The following PCDH9 variants were observed in gnomAD, a reference collection of about 807,000 sequenced individuals.
PCDH9 encodes protocadherin-9.
Under a neutral mutation model 70.6 loss-of-function variants are expected in PCDH9, and 24 were observed. That is an observed-to-expected ratio of 0.34 (90% CI 0.25 to 0.48). PCDH9 has a LOEUF of 0.48. Ranked by LOEUF, PCDH9 falls within the 20% of genes least tolerant of loss-of-function variation. PCDH9 has a pLI of 0.99. For synonymous variants in PCDH9, 562 were observed against 558.5 expected (o/e 1.01, Z -0.09); for missense variants, 1,281 against 1,503.6 (o/e 0.85, Z 2.45).
In PCDH9 at chr13:66,467,660, C is replaced by G. The variant is rs528340050; in HGVS notation, c.3341-162632G>C. On this transcript the variant is annotated intron_variant, in intron 4 of 4. Coordinates refer to ENST00000377865, the MANE Select transcript of PCDH9 (RefSeq NM_203487.3). ...TTCAGAACTTTGTTTCAGCAATTAT[C>G]CCACAGTCCAGTACAAACTATAATT... Among the ~76,000 whole-genome samples, 32 of 152,066 alleles carry G rather than the reference C, an allele frequency of 2.1e-4. No individual in the cohort carries two copies. In the South Asian group the frequency reaches 6.6e-3, roughly 32 times the overall value.
chr13:67,002,990 T>C (rs762003959), intron 2 of PCDH9, among the ~76,000 whole-genome samples: 6 of 152,056 alleles, frequency 3.9e-5, no homozygotes, highest in Non-Finnish European at 8.8e-5. Context: ...TTTTAATTTG[T>C]TTGTTTTTAA....
rs1366676552 is a variant in PCDH9, at chr13:66,313,005, G to A, written c.3341-7977C>T. ...TTGAACAGACTTTATGGCTCACTAA[G>A]AATGAAGAGCATTTCCTTGTACATC... On this transcript the variant is annotated intron_variant, in intron 4 of 4. Transcript: ENST00000377865. Among the ~76,000 whole-genome samples the A allele has an allele frequency of 3.3e-5, 5 of 152,204 alleles. No individual in the cohort carries two copies. The East Asian group carries it at 9.6e-4, about 29-fold the overall frequency.
chr13:66,437,030 T>C (rs1957879347), intron 4 of PCDH9, among the ~76,000 whole-genome samples: 1 of 151,408 alleles, frequency 6.6e-6, no homozygotes, highest in South Asian at 2.1e-4. Context: ...ACAGTTCCTA[T>C]TCAGCTTCTA....
At chr13:67,206,858 C>T (rs1391208205) in intron 2 of PCDH9, 1 of 152,064 alleles carries the variant, frequency 6.6e-6, no homozygotes, top group Admixed American at 6.6e-5. Context: ...TTGACTTTCC[C>T]CTCTTCTAGA....
intron 3 of PCDH9, among the ~76,000 whole-genome samples, chr13:66,830,537 T>C (rs1470985037): frequency 6.6e-6 from 1 of 152,180 alleles, no homozygotes; most frequent in African/African-American, 2.4e-5. Context: ...AAAGTATCAA[T>C]TATATTTACA....
intron 2 of PCDH9, chr13:67,204,303 T>C (rs2089287343): frequency 6.6e-6 from 1 of 152,176 alleles, no homozygotes; most frequent in African/African-American, 2.4e-5. Flanking sequence ...ATGCCAGCTT[T>C]AGTTAGATAG....
chr13:66,722,043 T>G (rs2078948219), intron 3 of PCDH9, among the ~76,000 whole-genome samples: 1 of 152,170 alleles, frequency 6.6e-6, no homozygotes, highest in Non-Finnish European at 1.5e-5. Context: ...CACCATTATC[T>G]AAATATACTT....
At chr13:66,342,083 C>G (rs948864440) in intron 4 of PCDH9, among the ~76,000 whole-genome samples, 1 of 152,132 alleles carries the variant, frequency 6.6e-6, no homozygotes, top group East Asian at 1.9e-4. Context: ...ATCATTATTT[C>G]TGAATAGGAA....
intron 4 of PCDH9, among the ~76,000 whole-genome samples, chr13:66,510,097 A>T (rs1259765018): frequency 6.6e-6 from 1 of 152,034 alleles, no homozygotes; most frequent in East Asian, 1.9e-4. Context: ...TAGCAGAAAA[A>T]TTTCCTTTCA....
At chr13:66,762,193 G>T (rs2079640103) in intron 3 of PCDH9, among the ~76,000 whole-genome samples, 1 of 152,022 alleles carries the variant, frequency 6.6e-6, no homozygotes, top group South Asian at 2.1e-4. Context: ...CTTTCACATT[G>T]CCAGGGTATA....
intron 3 of PCDH9, among the ~76,000 whole-genome samples, chr13:66,812,099 G>GGGTACTTGTA (rs1207614770): frequency 2.6e-4 from 39 of 151,716 alleles, no homozygotes; most frequent in Admixed American, 2.6e-3. Context: ...AGTACCCAAA[G>GGGTACTTGTA]TCCATTGTAT....
intron 4 of PCDH9, among the ~76,000 whole-genome samples, chr13:66,419,391 C>A (rs1957522372): frequency 6.6e-6 from 1 of 151,946 alleles, no homozygotes; most frequent in African/African-American, 2.4e-5. Context: ...ACATCTTCAG[C>A]CTGCAGCTCC....
Position 66,304,675 on chromosome 13 carries a change from G to T in PCDH9, c.3694C>A (p.Pro1232Thr), listed in dbSNP as rs1056768671. Reference sequence around the variant, plus strand: ...TTTTCTTAGAGTTGGTGCTCCTTAGGACTCTCAGTAGCACCTCCTGCTTGC... The same window carrying T: ...TTTTCTTAGAGTTGGTGCTCCTTAGTACTCTCAGTAGCACCTCCTGCTTGC... ...YKQAGGATES[P>T]KEHQL is the part of the protein sequence containing the mutation. Residue 1232 changes from proline to threonine, a missense_variant, in exon 5 of 5, where the codon CCT becomes ACT. This residue lies in a region of PCDH9 where 264 missense variants were observed against 278.8 expected (regional missense o/e 0.95). Coordinates refer to ENST00000377865, the MANE Select transcript of PCDH9 (RefSeq NM_203487.3). The T allele has an allele frequency of 3.7e-6, 6 of 1,612,070 alleles. No individual in the cohort carries two copies. Among genetic ancestry groups the T allele is most frequent in the African/African-American group, 1.3e-5 (1 of 74,778 alleles).
At chr13:67,150,002 G>T (rs1271208643) in intron 2 of PCDH9, among the ~76,000 whole-genome samples, 2 of 152,036 alleles carry the variant, frequency 1.3e-5, no homozygotes, top group South Asian at 2.1e-4. Context: ...AAGAATATTT[G>T]CAGTTTATAT....
chr13:66,888,140 C>G (rs1205456615), intron 3 of PCDH9, among the ~76,000 whole-genome samples: 1 of 152,078 alleles, frequency 6.6e-6, no homozygotes, highest in Non-Finnish European at 1.5e-5. Flanking sequence ...ATTGGCTAAT[C>G]AAAATTGCCA....
chr13:66,971,981 G>T (rs952053902), intron 2 of PCDH9, among the ~76,000 whole-genome samples: 10 of 151,762 alleles, frequency 6.6e-5, no homozygotes, highest in Non-Finnish European at 1.5e-4. Context: ...TATAATTAAT[G>T]TTATTATAAA....
chr13:66,649,535 C>T (rs2077820569), intron 3 of PCDH9, among the ~76,000 whole-genome samples: 1 of 152,006 alleles, frequency 6.6e-6, no homozygotes, highest in Admixed American at 6.6e-5. Flanking sequence ...TCATCAACAC[C>T]AGACCTGCCC....
At chr13:66,564,561 A>G (rs1310451273) in intron 4 of PCDH9, among the ~76,000 whole-genome samples, 1 of 152,144 alleles carries the variant, frequency 6.6e-6, no homozygotes, top group African/African-American at 2.4e-5. Flanking sequence ...GTGTTAATAC[A>G]TATGATGTCA....
At chr13:67,067,780 G>A (rs1416710214) in intron 2 of PCDH9, among the ~76,000 whole-genome samples, 1 of 135,872 alleles carries the variant, frequency 7.4e-6, no homozygotes, top group Non-Finnish European at 1.6e-5. Context: ...GAATAGCGAT[G>A]GGGGGGGCAG....
Sources: allele counts gnomAD v4.1 joint callset (sites outside exome capture counted in the v4.1 genomes callset), GRCh38; gene constraint gnomAD v4.1.1; regional missense constraint gnomAD v4.1.1; transcripts MANE v1.5; gene names NCBI Gene and HGNC (gene_info 2026-07-23, HGNC 2026-07-21).